KCNAB1: variants seen among roughly 807,000 people sequenced by gnomAD.
KCNAB1 encodes voltage-gated potassium channel subunit beta-1.
Under a neutral mutation model 64.6 loss-of-function variants are expected in KCNAB1, and 35 were observed. The observed-to-expected ratio is 0.54, with a 90% CI of 0.41 to 0.72. The LOEUF (loss-of-function observed/expected upper bound fraction) is 0.72. Ranked by LOEUF, KCNAB1 falls within the 30% of genes least tolerant of loss-of-function variation. The pLI is 0.00. For synonymous variants in KCNAB1, 177 were observed against 183.8 expected (o/e 0.96, Z 0.30); for missense variants, 401 against 512.9 (o/e 0.78, Z 2.11).
intron 8 of KCNAB1, among the ~76,000 whole-genome samples, chr3:156,475,873 T>G (rs68044306): frequency 0.099 from 15,025 of 152,256 alleles, 828 homozygotes; most frequent in Middle Eastern, 0.16. Flanking sequence ...CCTTGCCATT[T>G]GTCTCATTCT....
At chr3:156,250,903 T>C (rs1189219497) in intron 1 of KCNAB1, among the ~76,000 whole-genome samples, 2 of 152,238 alleles carry the variant, frequency 1.3e-5, no homozygotes, top group Non-Finnish European at 2.9e-5. Flanking sequence ...ACATTGGCAA[T>C]TGATTTTATG....
At chr3:156,316,781 A>T (rs541572517) in intron 1 of KCNAB1, among the ~76,000 whole-genome samples, 22 of 152,294 alleles carry the variant, frequency 1.4e-4, no homozygotes, top group Non-Finnish European at 2.2e-4. Flanking sequence ...GAGAAGAAAT[A>T]CCAGACTTTA....
At chr3:156,154,706 A>T (rs1715615023) in intron 1 of KCNAB1, among the ~76,000 whole-genome samples, 1 of 152,082 alleles carries the variant, frequency 6.6e-6, no homozygotes. Flanking sequence ...GGGTTTTCTT[A>T]CTTAAGTCTG....
intron 1 of KCNAB1, among the ~76,000 whole-genome samples, chr3:156,270,868 G>A (rs1267021275): frequency 3.3e-5 from 5 of 152,108 alleles, no homozygotes; most frequent in Non-Finnish European, 7.4e-5. Context: ...TCGTGGGACA[G>A]GACTGATGAT....
intron 2 of KCNAB1, among the ~76,000 whole-genome samples, chr3:156,444,415 C>G (rs7638587): frequency 0.062 from 9,420 of 152,192 alleles, 886 homozygotes; most frequent in African/African-American, 0.2. Context: ...AGAATTAATG[C>G]TTGAGCTATG....
intron 1 of KCNAB1, among the ~76,000 whole-genome samples, chr3:156,222,179 G>A (rs1430411361): frequency 6.6e-6 from 1 of 152,148 alleles, no homozygotes. Context: ...ACCTTCAGTA[G>A]ACTCACCTAA....
At chr3:156,139,306 C>T (rs1405087006) in intron 1 of KCNAB1, among the ~76,000 whole-genome samples, 1 of 152,212 alleles carries the variant, frequency 6.6e-6, no homozygotes, top group Non-Finnish European at 1.5e-5. Flanking sequence ...ATTTCTCTCT[C>T]CTTTCCTGGG....
At chr3:156,432,293 G>A (rs997876) in intron 2 of KCNAB1, among the ~76,000 whole-genome samples, 61,929 of 152,004 alleles carry the variant, frequency 0.41, 14,705 homozygotes, top group African/African-American at 0.66. Flanking sequence ...CCTAATTGAC[G>A]AAATTTTCCA....
chr3:156,396,102 T>C (rs1713445520), intron 1 of KCNAB1, among the ~76,000 whole-genome samples: 1 of 152,232 alleles, frequency 6.6e-6, no homozygotes, highest in Non-Finnish European at 1.5e-5. Context: ...TAAACCTTGT[T>C]TTAGCTGACT....
chr3:156,429,731 T>C (rs866783045), intron 2 of KCNAB1, among the ~76,000 whole-genome samples: 20 of 152,302 alleles, frequency 1.3e-4, no homozygotes, highest in South Asian at 8.3e-4. Flanking sequence ...AGCTCACCTA[T>C]TATAACAACA....
intron 1 of KCNAB1, among the ~76,000 whole-genome samples, chr3:156,216,316 C>T (rs1210915520): frequency 6.6e-6 from 1 of 152,166 alleles, no homozygotes; most frequent in Admixed American, 6.5e-5. Flanking sequence ...TTTAAAAGGT[C>T]TCTGATGGTA....
At chr3:156,485,754 C>T (rs1715159350) in intron 8 of KCNAB1, among the ~76,000 whole-genome samples, 1 of 152,068 alleles carries the variant, frequency 6.6e-6, no homozygotes, top group South Asian at 2.1e-4. Context: ...CCACCCTCCC[C>T]TCTTTTGGAG....
At chr3:156,264,259 TA>T (rs1420016963) in intron 1 of KCNAB1, among the ~76,000 whole-genome samples, 4 of 152,104 alleles carry the variant, frequency 2.6e-5, no homozygotes, top group Admixed American at 1.3e-4. Flanking sequence ...CTTTTTACAA[TA>T]TTTTTTTCAA....
chr3:156,247,570 C>G (rs149213835), intron 1 of KCNAB1, among the ~76,000 whole-genome samples: 3 of 151,868 alleles, frequency 2.0e-5, no homozygotes, highest in African/African-American at 7.3e-5. Context: ...TATTTTTTTG[C>G]GGGGGAGAGG....
intron 1 of KCNAB1, among the ~76,000 whole-genome samples, chr3:156,386,662 G>C (rs1005629262): frequency 7.2e-5 from 11 of 152,064 alleles, no homozygotes; most frequent in African/African-American, 2.4e-4. Flanking sequence ...CTAACTACCT[G>C]TAACATGATT....
At chr3:156,139,767 T>C (rs1250431788) in intron 1 of KCNAB1, among the ~76,000 whole-genome samples, 1 of 152,098 alleles carries the variant, frequency 6.6e-6, no homozygotes, top group Non-Finnish European at 1.5e-5. Context: ...TTAATCTCTA[T>C]GCAATGTTGA....
chr3:156,355,872 T>A (rs1343738238), intron 1 of KCNAB1, among the ~76,000 whole-genome samples: 1 of 152,026 alleles, frequency 6.6e-6, no homozygotes, highest in Non-Finnish European at 1.5e-5. Flanking sequence ...ATCCTAGCAC[T>A]TTGGGAGGCC....
chr3:156,481,905 C>T (rs148375267), intron 8 of KCNAB1, among the ~76,000 whole-genome samples: 8 of 152,252 alleles, frequency 5.3e-5, no homozygotes, highest in East Asian at 1.9e-4. Flanking sequence ...GGCAAACAAA[C>T]GTAAGCTCCA....
chr3:156,460,714 T>G (rs1471481563), intron 5 of KCNAB1, among the ~76,000 whole-genome samples: 1 of 152,240 alleles, frequency 6.6e-6, no homozygotes, highest in Non-Finnish European at 1.5e-5. Flanking sequence ...TGTGTACTCA[T>G]GCTTCAACAC....
Sources: gnomAD v4.1 joint callset for allele counts (sites outside exome capture counted in the v4.1 genomes callset) on GRCh38, gnomAD v4.1.1 for gene constraint, MANE v1.5 for transcripts, NCBI Gene and HGNC (gene_info 2026-07-23, HGNC 2026-07-21) for gene names.